Variants in SLC9A4 observed in about 807,000 individuals in gnomAD.
The protein encoded by SLC9A4 is solute carrier family 9 member A4.
SLC9A4 carries 63 observed loss-of-function variants against 67.4 expected under a neutral mutation model. The ratio of observed to expected loss-of-function variants is 0.93; its 90% CI spans 0.76 to 1.15. The LOEUF (loss-of-function observed/expected upper bound fraction) is 1.15, where lower values mean the gene tolerates loss of function less well. SLC9A4 is among the 50% of genes most tolerant of loss of function. The pLI is 0.00. For synonymous variants in SLC9A4, 393 were observed against 367.2 expected (o/e 1.07, Z -0.80); for missense variants, 1,089 against 987.7 (o/e 1.10, Z -1.38).
intron 2 of SLC9A4, 23 bp downstream of exon 2, chr2:102,479,325 G>A (rs754634731): frequency 3.0e-5 from 47 of 1,579,186 alleles, no homozygotes; most frequent in Non-Finnish European, 3.6e-5. Context: ...GTGCCCGCCC[G>A]GCTTCCGGGG....
intron 2 of SLC9A4, among the ~76,000 whole-genome samples, chr2:102,486,083 C>T (rs1684583075): frequency 6.6e-6 from 1 of 152,154 alleles, no homozygotes; most frequent in Non-Finnish European, 1.5e-5. Context: ...ATTTTCCTGC[C>T]TCAAAAGGGA....
chr2:102,508,101 C>G lies in SLC9A4; in HGVS notation c.1221C>G (p.Ile407Met), dbSNP rs868525868. 5.6e-6 allele frequency: 9 copies of G among 1,614,068 alleles called. No individual in the cohort carries two copies. Among genetic ancestry groups the G allele is most frequent in the Non-Finnish European group, 6.8e-6 (8 of 1,180,042 alleles). ...RAISVFALFYISNQFRTFPFS... is the reference protein window; with the variant it reads ...RAISVFALFYMSNQFRTFPFS... ...TAGGCGTATTTGCTCTCTTCTATAT[C>G]AGTAACCAGTTTCGGACTTTCCCCT... The change falls in exon 5 of 12, where the codon ATC becomes ATG. Residue 407 changes from isoleucine (I) to methionine (M), a missense_variant. Ile to Met is a conservative substitution (Grantham distance 10). Coordinates refer to ENST00000295269, the MANE Select transcript of SLC9A4 (RefSeq NM_001011552.4).
At chr2:102,501,709 A>G (rs1391762522) in intron 2 of SLC9A4, among the ~76,000 whole-genome samples, 1 of 152,018 alleles carries the variant, frequency 6.6e-6, no homozygotes, top group Non-Finnish European at 1.5e-5. Context: ...CACACAAAGC[A>G]GTGTGTGGTT....
Position 102,473,465 on chromosome 2 carries a change from C to T in SLC9A4, c.-295C>T. 2.6e-6 allele frequency: 1 copy of T among 389,220 alleles called. No homozygotes were observed. The highest frequency in any genetic ancestry group is 4.6e-6 in the Non-Finnish European group (1 of 215,582). 24.1% of individuals were successfully genotyped at this position (389,220 alleles called of 1,614,324 possible). A position where few individuals can be genotyped will look rare whatever the true frequency, so the allele number is the denominator to read the frequency against. ...ATTTTTATTTCTTTCATAAATTGCT[C>T]AAGCCATGATTGGATGGAGGTCCTC... On this transcript the variant is annotated 5_prime_UTR_variant, in exon 1 of 12. Coordinates refer to ENST00000295269, the MANE Select transcript of SLC9A4 (RefSeq NM_001011552.4).
intron 2 of SLC9A4, among the ~76,000 whole-genome samples, chr2:102,496,582 G>A (rs769872805): frequency 6.6e-6 from 1 of 152,212 alleles, no homozygotes; most frequent in Non-Finnish European, 1.5e-5. Context: ...AGACAATATG[G>A]TGGAGCACTA....
At chr2:102,521,268 T>A (rs1004000756) in intron 9 of SLC9A4, among the ~76,000 whole-genome samples, 1 of 152,176 alleles carries the variant, frequency 6.6e-6, no homozygotes, top group Non-Finnish European at 1.5e-5. Context: ...CAACTGCTCA[T>A]CCTTTCTTTT....
At chr2:102,516,136 A>C (rs575820803) in intron 8 of SLC9A4, among the ~76,000 whole-genome samples, 2 of 152,190 alleles carry the variant, frequency 1.3e-5, no homozygotes, top group African/African-American at 4.8e-5. Flanking sequence ...CATTTGCCTT[A>C]ATTTCTGATC....
At chr2:102,520,245 T>C (rs181912795) in intron 9 of SLC9A4, among the ~76,000 whole-genome samples, 34 of 152,280 alleles carry the variant, frequency 2.2e-4, no homozygotes, top group Middle Eastern at 6.8e-3. Context: ...AGCAGGTCTC[T>C]GTAGAGAAGC....
At chr2:102,489,777 G>A (rs1476129693) in intron 2 of SLC9A4, among the ~76,000 whole-genome samples, 2 of 152,132 alleles carry the variant, frequency 1.3e-5, no homozygotes, top group Non-Finnish European at 2.9e-5. Flanking sequence ...CCCTCATTTA[G>A]GAGTGAGGTG....
At chr2:102,494,315 G>A (rs1684762685) in intron 2 of SLC9A4, among the ~76,000 whole-genome samples, 1 of 151,792 alleles carries the variant, frequency 6.6e-6, no homozygotes, top group East Asian at 1.9e-4. Context: ...GGATGTTACT[G>A]TAGAGCACCA....
rs199960975 is a variant in SLC9A4 at position 102,478,941 on chromosome 2, A to G, written c.359A>G (p.Lys120Arg). The G allele has an allele frequency of 6.2e-7, 1 of 1,614,082 alleles. No homozygotes were observed. The highest frequency in any genetic ancestry group is 8.5e-7 in the Non-Finnish European group (1 of 1,179,986). The part of the protein sequence containing the change: ...VGGIIFGTDH[K>R]SPPVMDSSIY... ...GGCATCATCTTCGGCACCGACCACA[A>G]ATCGCCTCCGGTCATGGACTCCAGC... Residue 120 changes from lysine (K) to arginine (R), a missense_variant, in exon 2 of 12, where the codon AAA becomes AGA. Coordinates refer to ENST00000295269, the MANE Select transcript of SLC9A4 (RefSeq NM_001011552.4).
chr2:102,487,050 G>A (rs1030564590), intron 2 of SLC9A4, among the ~76,000 whole-genome samples: 3 of 152,216 alleles, frequency 2.0e-5, no homozygotes, highest in Non-Finnish European at 2.9e-5. Flanking sequence ...TTCTGTTGGG[G>A]AGGGCAGGAG....
intron 11 of SLC9A4, among the ~76,000 whole-genome samples, chr2:102,527,846 C>A (rs7587856): frequency 0.15 from 23,341 of 152,058 alleles, 2,151 homozygotes; most frequent in African/African-American, 0.25. Flanking sequence ...ACATCTTTCA[C>A]ATTTTGGAAA....
rs1684402495 is a variant in SLC9A4 at position 102,479,171 on chromosome 2, C to T, written c.589C>T (p.Leu197=). 6.2e-7 allele frequency: 1 copy of T among 1,614,184 alleles called. No individual in the cohort carries two copies. Among genetic ancestry groups the T allele is most frequent in the Non-Finnish European group, 8.5e-7 (1 of 1,180,020 alleles). The change falls in exon 2 of 12, where the codon CTG becomes TTG. Residue 197 remains leucine (L), a synonymous_variant. Transcript: ENST00000295269. ...GLGDVNLLQN[L]LFGSLISAVD... is the part of the protein sequence containing the mutation. ...GGGCGACGTCAACCTGCTGCAGAACCTGCTGTTCGGCAGCCTGATCTCCGC... is the reference window on the plus strand; with the variant it reads ...GGGCGACGTCAACCTGCTGCAGAACTTGCTGTTCGGCAGCCTGATCTCCGC...
chr2:102,526,972 A>G (rs1674679117), intron 11 of SLC9A4, among the ~76,000 whole-genome samples: 1 of 152,144 alleles, frequency 6.6e-6, no homozygotes, highest in East Asian at 1.9e-4. Context: ...TTATTTTCCT[A>G]ATTTTTAAGT....
intron 2 of SLC9A4, among the ~76,000 whole-genome samples, chr2:102,499,915 T>C (rs1427839064): frequency 6.6e-6 from 1 of 152,164 alleles, no homozygotes; most frequent in African/African-American, 2.4e-5. Context: ...ATAAAATTAT[T>C]TGTGCTCTGA....
intron 2 of SLC9A4, among the ~76,000 whole-genome samples, chr2:102,500,237 A>T (rs2104429753): frequency 6.6e-6 from 1 of 152,222 alleles, no homozygotes; most frequent in South Asian, 2.1e-4. Flanking sequence ...GCACTCACAA[A>T]CCTAGGAACG....
chr2:102,483,841 T>TATATACACACAC (rs370126753), intron 2 of SLC9A4, among the ~76,000 whole-genome samples: 8 of 126,786 alleles, frequency 6.3e-5, no homozygotes, highest in African/African-American at 2.2e-4. Flanking sequence ...TATATATATA[T>TATATACACACAC]ACACACACAC....
At chr2:102,483,686 C>T (rs1284134758) in intron 2 of SLC9A4, among the ~76,000 whole-genome samples, 1 of 151,356 alleles carries the variant, frequency 6.6e-6, no homozygotes, top group Non-Finnish European at 1.5e-5. Flanking sequence ...AGGAGGGAGA[C>T]AAAACCCAGA....
Sources: gnomAD v4.1 joint callset for allele counts (sites outside exome capture counted in the v4.1 genomes callset) on GRCh38, gnomAD v4.1.1 for gene constraint, MANE v1.5 for transcripts, NCBI Gene and HGNC (gene_info 2026-07-23, HGNC 2026-07-21) for gene names.